CAMTA1: variants seen among roughly 807,000 people sequenced by gnomAD.
CAMTA1 encodes calmodulin-binding transcription activator 1.
In CAMTA1, 27 loss-of-function variants were observed where a neutral mutation model predicts 170.9. That is an observed-to-expected ratio of 0.16 (90% confidence interval 0.12 to 0.22). CAMTA1 has a LOEUF of 0.22. Among genes scored for constraint, CAMTA1 ranks in the 10% least tolerant of loss-of-function variants. The probability of loss-of-function intolerance (pLI) is 1.00; values close to 1 mark genes in which losing one functional copy is unlikely to be tolerated. For synonymous variants in CAMTA1, 833 were observed against 891.5 expected (o/e 0.93, Z 1.17); for missense variants, 1,619 against 2,217.2 (o/e 0.73, Z 5.42).
chr1:7,510,013 CAA>C (rs111430608), intron 6 of CAMTA1, among the ~76,000 whole-genome samples: 6 of 136,284 alleles, frequency 4.4e-5, no homozygotes, highest in African/African-American at 1.7e-4. Context: ...AAACAAACAA[CAA>C]AAAAAAAAAA....
rs563465621 is a variant in CAMTA1 at position 7,685,886 on chromosome 1, C to T, written c.2914+8153C>T. Among the ~76,000 whole-genome samples, 1 of 152,280 alleles carries T rather than the reference C, an allele frequency of 6.6e-6. No individual in the cohort carries two copies. The highest frequency in any genetic ancestry group is 1.9e-4 in the East Asian group (1 of 5,184). ...CCTACCTCTCTGATAACATTCCTGA[C>T]CCCTGTGGATAATCCCACCCAAAAA... On this transcript the variant is annotated intron_variant, in intron 11 of 22. Transcript: ENST00000303635. The surrounding 1 kb of genome is among the most constrained non-coding windows in gnomAD (Gnocchi z 5.7).
chr1:7,147,817 CCATG>C (rs1461679858), intron 4 of CAMTA1, among the ~76,000 whole-genome samples: 1 of 147,938 alleles, frequency 6.8e-6, no homozygotes, highest in Non-Finnish European at 1.5e-5. Flanking sequence ...CATTCATACA[CCATG>C]CACACACACA....
At chr1:7,329,952 A>G (rs1408058104) in intron 5 of CAMTA1, among the ~76,000 whole-genome samples, 1 of 152,206 alleles carries the variant, frequency 6.6e-6, no homozygotes, top group Non-Finnish European at 1.5e-5. Context: ...CAGACCCTCC[A>G]GGCCCATGCT....
chr1:6,999,776 G>A (rs1369959115), intron 3 of CAMTA1, among the ~76,000 whole-genome samples: 2 of 152,166 alleles, frequency 1.3e-5, no homozygotes, highest in African/African-American at 4.8e-5. Context: ...CAGGGGCAGG[G>A]CCTGCACCCT....
chr1:6,995,341 G>A (rs778532893), intron 3 of CAMTA1, among the ~76,000 whole-genome samples: 21 of 111,372 alleles, frequency 1.9e-4, no homozygotes, highest in African/African-American at 6.7e-4. Context: ...TCACTCTGTC[G>A]CCAGGCTGGA....
At chr1:6,859,721 C>T (rs1201570704) in intron 3 of CAMTA1, among the ~76,000 whole-genome samples, 3 of 152,052 alleles carry the variant, frequency 2.0e-5, no homozygotes. Context: ...CCCAGGAAGT[C>T]GAGGCTGCAG....
Position 7,568,875 on chromosome 1 carries a change from T to C in CAMTA1, c.511-71525T>C, listed in dbSNP as rs376488741. Among the ~76,000 whole-genome samples the C allele has an allele frequency of 1.1e-3, 168 of 148,460 alleles. No individual in the cohort carries two copies. The South Asian group carries it at 0.021, about 18-fold the overall frequency. ...CACATCATCATCATCAACATCACCA[T>C]CATCACCGCATCACCATCACCACCA... On this transcript the variant is annotated intron_variant, in intron 6 of 22. Transcript: ENST00000303635.
chr1:6,969,405 G>A (rs1273982148), intron 3 of CAMTA1, among the ~76,000 whole-genome samples: 1 of 152,130 alleles, frequency 6.6e-6, no homozygotes, highest in Admixed American at 6.5e-5. Context: ...GTTGGGTGAG[G>A]GTTCCTGGGC....
chr1:7,085,304 T>C (rs1453770856), intron 3 of CAMTA1, among the ~76,000 whole-genome samples: 1 of 152,232 alleles, frequency 6.6e-6, no homozygotes, highest in African/African-American at 2.4e-5. Context: ...CGATGGCAAC[T>C]GGACCTTTGT....
intron 5 of CAMTA1, among the ~76,000 whole-genome samples, chr1:7,434,562 A>G (rs1436016157): frequency 2.0e-5 from 3 of 152,228 alleles, no homozygotes; most frequent in African/African-American, 7.2e-5. Context: ...TGAGTCTGAC[A>G]TCATCAGACA....
chr1:7,579,629 G>A (rs1038542936), intron 6 of CAMTA1, among the ~76,000 whole-genome samples: 5 of 137,058 alleles, frequency 3.6e-5, no homozygotes, highest in East Asian at 4.4e-4. Flanking sequence ...GCACAATCTC[G>A]GCTCACTGCA....
chr1:7,018,398 C>T (rs951901947), intron 3 of CAMTA1, among the ~76,000 whole-genome samples: 1 of 152,144 alleles, frequency 6.6e-6, no homozygotes, highest in Non-Finnish European at 1.5e-5. Context: ...CTTTTGTCTC[C>T]AGCAGGCTTG....
intron 7 of CAMTA1, among the ~76,000 whole-genome samples, chr1:7,646,075 ATTGGGTGGAGGCCATGGTGAG>A (rs796444349): frequency 7.5e-6 from 1 of 134,014 alleles, no homozygotes; most frequent in Non-Finnish European, 1.6e-5. Flanking sequence ...GCCCTGGTGA[ATTGGGTGGAGGCCATGGTGAG>A]TTGGGTGGAG....
intron 6 of CAMTA1, among the ~76,000 whole-genome samples, chr1:7,597,074 G>A (rs940630679): frequency 2.0e-5 from 3 of 152,028 alleles, no homozygotes; most frequent in African/African-American, 7.2e-5. Context: ...CCTTGCTGAC[G>A]TCCACCAACC....
chr1:7,552,933 C>G (rs993922272), intron 6 of CAMTA1, among the ~76,000 whole-genome samples: 2 of 152,176 alleles, frequency 1.3e-5, no homozygotes, highest in African/African-American at 4.8e-5. Context: ...TAAGCAGTAG[C>G]TGAGTGGGGA....
At chr1:6,819,979 T>C (rs1471708036) in intron 1 of CAMTA1, among the ~76,000 whole-genome samples, 1 of 152,218 alleles carries the variant, frequency 6.6e-6, no homozygotes, top group Non-Finnish European at 1.5e-5. Context: ...CAGAAGAGTT[T>C]TCAGTCCTTT....
At chr1:7,726,425 G>T (rs1439935591) in intron 11 of CAMTA1, among the ~76,000 whole-genome samples, 1 of 151,890 alleles carries the variant, frequency 6.6e-6, no homozygotes, top group Admixed American at 6.6e-5. Context: ...CCCACTTGAA[G>T]GTAGGGTATC....
At chr1:7,503,513 T>C (rs1338028206) in intron 6 of CAMTA1, among the ~76,000 whole-genome samples, 1 of 152,132 alleles carries the variant, frequency 6.6e-6, no homozygotes, top group East Asian at 1.9e-4. Flanking sequence ...GAGGGAATGG[T>C]CGCTGCCCTC....
intron 5 of CAMTA1, among the ~76,000 whole-genome samples, chr1:7,462,612 T>C (rs994493989): frequency 6.6e-5 from 10 of 152,062 alleles, no homozygotes; most frequent in Non-Finnish European, 1.3e-4. Context: ...TTTTTTTAAT[T>C]GTTGAAAAAT....
Sources: allele counts gnomAD v4.1 joint callset (sites outside exome capture counted in the v4.1 genomes callset), GRCh38; gene constraint gnomAD v4.1.1; non-coding constraint Gnocchi (gnomAD v3.1); transcripts MANE v1.5; gene names NCBI Gene and HGNC (gene_info 2026-07-23, HGNC 2026-07-21).